The following CDH4 variants were observed in gnomAD, a reference collection of about 807,000 sequenced individuals.
CDH4 encodes cadherin 4, also known as cadherin-4.
In CDH4, 33 loss-of-function variants were observed where a neutral mutation model predicts 86.0. The observed-to-expected ratio is 0.38, with a 90% confidence interval of 0.29 to 0.51. The LOEUF (loss-of-function observed/expected upper bound fraction) is 0.51, where lower values mean the gene tolerates loss of function less well. CDH4 is among the 20% of genes least tolerant of loss of function. The pLI, the probability that CDH4 is intolerant of heterozygous loss-of-function variation, is 0.86. For missense variants in CDH4, 1,114 were observed against 1,307.4 expected (o/e 0.85, Z 2.28); for synonymous variants, 555 against 549.4 (o/e 1.01, Z -0.14).
chr20:61,505,726 G>A lies in CDH4; in HGVS notation c.170-237837G>A, dbSNP rs747329506. Among the ~76,000 whole-genome samples the A allele has an allele frequency of 2.5e-4, 37 of 146,244 alleles. 2 individuals carry two copies. The highest frequency in any genetic ancestry group is 6.8e-4 in the African/African-American group (28 of 41,130). ...CCACAGTCGCTCACTGCAAGTTGGC[G>A]GGAAAAAAGAATTGGCACATGAGAG... On this transcript the variant is annotated intron_variant, in intron 2 of 15. Transcript: ENST00000614565.
Position 61,924,476 on chromosome 20 carries a change from G to A in CDH4, c.1771G>A (p.Gly591Arg). Residue 591 changes from glycine (G) to arginine (R), a missense_variant and splice_region_variant, in exon 11 of 16, where the codon GGG becomes AGG. This residue lies in a region of CDH4 where 705 missense variants were observed against 914.1 expected (regional missense o/e 0.77). Coordinates refer to ENST00000614565, the MANE Select transcript of CDH4 (RefSeq NM_001794.5). ...GGCCACCTTCCTGGCAGCTGACAAT[G>A]GTGCGGCCCACCCCAGGGAGGCAGC... is the stretch of plus-strand genomic sequence containing the variant. ...YEATFLAADN[G>R]IPPASGTGTL... 6.2e-7 allele frequency: 1 copy of A among 1,612,546 alleles called. No individual in the cohort carries two copies. Among genetic ancestry groups the A allele is most frequent in the Non-Finnish European group, 8.5e-7 (1 of 1,179,352 alleles).
intron 2 of CDH4, among the ~76,000 whole-genome samples, chr20:61,335,136 G>A (rs987386252): frequency 9.9e-5 from 15 of 152,168 alleles, no homozygotes; most frequent in African/African-American, 2.4e-4. Flanking sequence ...GAGGTCTCGC[G>A]GCCATTGACA....
At chr20:61,551,037 A>G (rs951957431) in intron 2 of CDH4, among the ~76,000 whole-genome samples, 5 of 152,236 alleles carry the variant, frequency 3.3e-5, no homozygotes, top group African/African-American at 9.6e-5. Context: ...AGGACAAACC[A>G]TTTAATCTTT....
chr20:61,450,089 G>T (rs2085371680), intron 2 of CDH4, among the ~76,000 whole-genome samples: 2 of 152,230 alleles, frequency 1.3e-5, no homozygotes, highest in Non-Finnish European at 2.9e-5. Context: ...AATTTCTACA[G>T]TGTTGACAAT....
intron 2 of CDH4, among the ~76,000 whole-genome samples, chr20:61,598,554 G>A (rs1396278662): frequency 1.3e-5 from 2 of 152,178 alleles, no homozygotes; most frequent in Non-Finnish European, 2.9e-5. Context: ...GACGACCCCT[G>A]CGGTGCCGGC....
At chr20:61,822,329 A>G (rs1981087148) in intron 4 of CDH4, among the ~76,000 whole-genome samples, 1 of 152,152 alleles carries the variant, frequency 6.6e-6, no homozygotes, top group Non-Finnish European at 1.5e-5. Flanking sequence ...CTCTGATGAG[A>G]GCAATAATGT....
At chr20:61,666,712 C>T (rs573767514) in intron 2 of CDH4, among the ~76,000 whole-genome samples, 206 of 152,342 alleles carry the variant, frequency 1.4e-3, no homozygotes, top group Non-Finnish European at 2.5e-3. Flanking sequence ...CGCCCCAGAT[C>T]GCCACTCTCC....
chr20:61,473,491 ATTG>A (rs1469470606), intron 2 of CDH4, among the ~76,000 whole-genome samples: 2 of 152,164 alleles, frequency 1.3e-5, no homozygotes, highest in Non-Finnish European at 2.9e-5. Context: ...CAGCCAGCAC[ATTG>A]TTTTCTCCAA....
chr20:61,282,096 C>CGATG, intron 2 of CDH4, among the ~76,000 whole-genome samples: 1 of 152,186 alleles, frequency 6.6e-6, no homozygotes, highest in East Asian at 1.9e-4. Context: ...TGGTGGCTCA[C>CGATG]GCCTGTAATC....
chr20:61,579,958 G>C (rs1027517155), intron 2 of CDH4, among the ~76,000 whole-genome samples: 2 of 151,428 alleles, frequency 1.3e-5, no homozygotes, highest in Non-Finnish European at 2.9e-5. Flanking sequence ...AAAAAAAAAA[G>C]CTGTAAAATA....
intron 7 of CDH4, among the ~76,000 whole-genome samples, chr20:61,877,010 C>T (rs1239259649): frequency 6.6e-6 from 1 of 152,190 alleles, no homozygotes; most frequent in East Asian, 1.9e-4. Flanking sequence ...TGGGAGGGAT[C>T]AAGAGCGCCA....
chr20:61,547,282 G>T (rs984174352), intron 2 of CDH4, among the ~76,000 whole-genome samples: 1 of 143,870 alleles, frequency 7.0e-6, no homozygotes, highest in Non-Finnish European at 1.5e-5. Flanking sequence ...GCTGGATCTC[G>T]GCTCACTGCA....
chr20:61,494,426 T>C (rs1209858144), intron 2 of CDH4, among the ~76,000 whole-genome samples: 2 of 152,252 alleles, frequency 1.3e-5, no homozygotes, highest in African/African-American at 2.4e-5. Flanking sequence ...TTATCCATTA[T>C]CCTTTCAGTA....
intron 2 of CDH4, among the ~76,000 whole-genome samples, chr20:61,580,250 T>G (rs1012024635): frequency 3.7e-4 from 56 of 151,890 alleles, no homozygotes; most frequent in African/African-American, 1.3e-3. Context: ...AGGTCATGAG[T>G]TCGAGACCAG....
chr20:61,482,481 C>T (rs978386520), intron 2 of CDH4, among the ~76,000 whole-genome samples: 3 of 152,138 alleles, frequency 2.0e-5, no homozygotes, highest in Non-Finnish European at 4.4e-5. Flanking sequence ...TAAACTTGAG[C>T]GGAGGCCTGG....
chr20:61,784,638 C>T (rs1180444672), intron 4 of CDH4, among the ~76,000 whole-genome samples: 2 of 70,734 alleles, frequency 2.8e-5, no homozygotes, highest in African/African-American at 1.5e-4. Flanking sequence ...AATGTAAGCC[C>T]AGTTCCTCGG....
intron 2 of CDH4, among the ~76,000 whole-genome samples, chr20:61,735,593 C>T (rs1435855236): frequency 6.6e-6 from 1 of 152,158 alleles, no homozygotes; most frequent in Admixed American, 6.5e-5. Context: ...TCCCGGCCAG[C>T]GCCTTCGGGG....
At chr20:61,710,741 T>C (rs1463977295) in intron 2 of CDH4, among the ~76,000 whole-genome samples, 1 of 152,242 alleles carries the variant, frequency 6.6e-6, no homozygotes, top group African/African-American at 2.4e-5. Flanking sequence ...GAGCTGATGC[T>C]GTTCCAGGCT....
At chr20:61,693,809 T>G (rs1203000780) in intron 2 of CDH4, among the ~76,000 whole-genome samples, 1 of 151,994 alleles carries the variant, frequency 6.6e-6, no homozygotes, top group Non-Finnish European at 1.5e-5. Flanking sequence ...TTGGTGCTAT[T>G]TATCAGAAAC....
Sources: allele counts gnomAD v4.1 joint callset (sites outside exome capture counted in the v4.1 genomes callset), GRCh38; gene constraint gnomAD v4.1.1; regional missense constraint gnomAD v4.1.1; transcripts MANE v1.5; gene names NCBI Gene and HGNC (gene_info 2026-07-23, HGNC 2026-07-21).